The following IMPDH1 variants were observed in gnomAD, a reference collection of about 807,000 sequenced individuals.
IMPDH1 encodes inosine-5'-monophosphate dehydrogenase 1.
Under a neutral mutation model 73.5 loss-of-function variants are expected in IMPDH1, and 41 were observed. The ratio of observed to expected loss-of-function variants is 0.56; its 90% CI spans 0.43 to 0.72. IMPDH1 has a LOEUF of 0.72. Ranked by LOEUF, IMPDH1 falls within the 30% of genes least tolerant of loss-of-function variation. IMPDH1 has a pLI of 0.00. For synonymous variants in IMPDH1, 318 were observed against 334.3 expected, an observed-to-expected ratio of 0.95 and a Z score of 0.53; for missense variants, 645 against 824.8, an observed-to-expected ratio of 0.78 and a Z score of 2.67.
At chr7:128,400,593 C>A in intron 7 of IMPDH1, 54 bp from the exon 8 acceptor site, 1 of 1,533,548 alleles carries the variant, frequency 6.5e-7, no homozygotes, top group East Asian at 2.3e-5. Context: ...GGATGATGTC[C>A]AGGCTGGCCA....
Position 128,398,562 on chromosome 7 carries a change from C to T in IMPDH1, c.926G>A (p.Arg309His), listed in dbSNP as rs121912552. ...GTCTCGGTTCTTCTTCAGGTCGGTG[C>T]GGGCGATGATGGCCACCAGCTCATC... ...DCDELVAIIA[R>H]TDLKKNRDYP... Residue 309 changes from arginine (R) to histidine (H), a missense_variant, in exon 10 of 17, where the codon CGC becomes CAC. Physicochemically the swap from Arg to His is conservative, Grantham distance 29. Transcript: ENST00000338791. This position sits in a 1 kb window ranked among gnomAD's most constrained non-coding sequence, Gnocchi z 4.3. 6.2e-7 allele frequency: 1 copy of T among 1,612,574 alleles called. No individual in the cohort carries two copies. Among genetic ancestry groups the T allele is most frequent in the Non-Finnish European group, 8.5e-7 (1 of 1,178,886 alleles).
At chr7:128,395,464 T>C (rs1323838369) in intron 12 of IMPDH1, among the ~76,000 whole-genome samples, 190 bp from the exon 13 acceptor site, 1 of 152,144 alleles carries the variant, frequency 6.6e-6, no homozygotes, top group Non-Finnish European at 1.5e-5. Flanking sequence ...TCTAGGGATC[T>C]GGGCCACCCC....
chr7:128,396,566 G>A lies in IMPDH1; in HGVS notation c.1261+34C>T, dbSNP rs571294252. 37 of 1,463,654 alleles carry A rather than the reference G, an allele frequency of 2.5e-5. No individual in the cohort carries two copies. In the Admixed American group the frequency reaches 4.1e-4, roughly 16 times the overall value. The allele number at this position is 1,463,654 out of a possible 1,614,324, so 90.7% of individuals were successfully genotyped here. A position where few individuals can be genotyped will look rare whatever the true frequency, so the allele number is the denominator to read the frequency against. ...TGGGGAACAAAGGCGAGGCCCCGGG[G>A]CCAGCGGGCACTCGCTCACCTCCTG... On this transcript the variant is annotated intron_variant, in intron 12 of 16. Coordinates refer to ENST00000338791, the MANE Select transcript of IMPDH1 (RefSeq NM_000883.4). The surrounding 1 kb of genome is among the most constrained non-coding windows in gnomAD (Gnocchi z 4.0).
chr7:128,403,352 G>A (rs1798469182), intron 5 of IMPDH1, among the ~76,000 whole-genome samples: 1 of 152,200 alleles, frequency 6.6e-6, no homozygotes, highest in Non-Finnish European at 1.5e-5. Flanking sequence ...GAGCTCAGGA[G>A]TTTGAGACCA....
intron 3 of IMPDH1, among the ~76,000 whole-genome samples, chr7:128,409,056 G>T (rs985291825): frequency 2.6e-5 from 4 of 152,214 alleles, no homozygotes; most frequent in African/African-American, 9.7e-5. Flanking sequence ...CTCTGGACCG[G>T]AAGGACAGTG....
intron 4 of IMPDH1, among the ~76,000 whole-genome samples, chr7:128,404,739 C>G (rs1007442787): frequency 6.6e-6 from 1 of 152,170 alleles, no homozygotes; most frequent in African/African-American, 2.4e-5. Flanking sequence ...GGCTTTCAAT[C>G]TCATCACCAA....
chr7:128,408,915 A>T (rs74523251), intron 3 of IMPDH1, among the ~76,000 whole-genome samples: 2,713 of 152,266 alleles, frequency 0.018, 41 homozygotes, highest in South Asian at 0.055. Flanking sequence ...AAAAGTTCTT[A>T]CATAAGCGGC....
At chr7:128,401,148 T>C (rs951558598) in intron 5 of IMPDH1, 32 bp from the exon 6 acceptor site, 2 of 1,530,434 alleles carry the variant, frequency 1.3e-6, no homozygotes, top group Non-Finnish European at 1.8e-6. Flanking sequence ...ACGTAAAGAG[T>C]TTATCACCCA....
intron 5 of IMPDH1, among the ~76,000 whole-genome samples, chr7:128,402,164 G>A (rs150128978): frequency 0.018 from 2,714 of 151,750 alleles, 41 homozygotes; most frequent in South Asian, 0.055. Flanking sequence ...GTACAGTAGT[G>A]CAATCCCGAC....
intron 10 of IMPDH1, 57 bp from the exon 11 acceptor site, chr7:128,397,079 A>G: frequency 8.3e-7 from 1 of 1,207,660 alleles, no homozygotes. Context: ...TCAAGGCAGG[A>G]GGGAGAGCCT....
Position 128,394,558 on chromosome 7 carries a change from G to A in IMPDH1, c.1592C>T (p.Ser531Phe). The A allele has an allele frequency of 6.2e-7, 1 of 1,613,872 alleles. No individual in the cohort carries two copies. The change falls in exon 15 of 17, where the codon TCC (serine) becomes TTC (phenylalanine). Residue 531 changes from serine to phenylalanine, a missense_variant. Transcript: ENST00000338791. The surrounding 1 kb of genome is among the most constrained non-coding windows in gnomAD (Gnocchi z 5.5). ...CTGAATGGATCCTTTGTCCTGGATG[G>A]AGCCCGAGACACCCTGCGCGATCTT... Reference protein sequence around the residue: ...KVKIAQGVSGSIQDKGSIQKF... With the variant: ...KVKIAQGVSGFIQDKGSIQKF...
At position 128,394,739 on chromosome 7, in the gene IMPDH1, A is replaced by G; in HGVS notation, c.1551-140T>C. 2 of 1,379,408 alleles carry G rather than the reference A, an allele frequency of 1.4e-6. No homozygotes were observed. The allele number at this position is 1,379,408 out of a possible 1,614,324, so 85.4% of individuals were successfully genotyped here. On this transcript the variant is annotated intron_variant, in intron 14 of 16. Transcript: ENST00000338791. The surrounding 1 kb of genome is among the most constrained non-coding windows in gnomAD (Gnocchi z 5.5). Reference sequence around the variant, plus strand: ...CTGGGCTGAGTCAGATGGCCCAGGGACAGATCCTGGGTCTGCTACTTAAGC... The same window carrying G: ...CTGGGCTGAGTCAGATGGCCCAGGGGCAGATCCTGGGTCTGCTACTTAAGC...
chr7:128,396,509 G>A lies in IMPDH1; in HGVS notation c.1261+91C>T, dbSNP rs1365515168. On this transcript the variant is annotated intron_variant, in intron 12 of 16. Transcript: ENST00000338791. The surrounding 1 kb of genome is among the most constrained non-coding windows in gnomAD (Gnocchi z 4.0). ...CCCCGGAGCCTACCATGGCAGAACAGGGCCTGGCAGAGAGAGTACTTGATA... is the reference window on the plus strand; with the variant it reads ...CCCCGGAGCCTACCATGGCAGAACAAGGCCTGGCAGAGAGAGTACTTGATA... 3 of 1,045,484 alleles carry A rather than the reference G, an allele frequency of 2.9e-6. No homozygotes were observed. Among genetic ancestry groups the A allele is most frequent in the East Asian group, 2.6e-5 (1 of 38,686 alleles). 64.8% of individuals were successfully genotyped at this position (1,045,484 alleles called of 1,614,324 possible).
intron 5 of IMPDH1, among the ~76,000 whole-genome samples, chr7:128,402,451 T>C: frequency 6.6e-6 from 1 of 152,182 alleles, no homozygotes; most frequent in East Asian, 1.9e-4. Context: ...GCCCAGGGTC[T>C]GACACAAAGC....
intron 10 of IMPDH1, among the ~76,000 whole-genome samples, chr7:128,397,360 CTTAACTTCT>C (rs1797998746): frequency 6.6e-6 from 1 of 152,172 alleles, no homozygotes; most frequent in Admixed American, 6.5e-5. Context: ...AATGAAATGA[CTTAACTTCT>C]TTAAGCCTGT....
In IMPDH1 at chr7:128,406,210, G is replaced by A. The variant is rs535190914; in HGVS notation, c.255-345C>T. ...AGGAGGTGTGGGGCTGCGGGGGAGAGTACCGGGTCAGGCCGGGACACGCCC... is the reference window on the plus strand; with the variant it reads ...AGGAGGTGTGGGGCTGCGGGGGAGAATACCGGGTCAGGCCGGGACACGCCC... On this transcript the variant is annotated intron_variant, in intron 3 of 16. Coordinates refer to ENST00000338791, the MANE Select transcript of IMPDH1 (RefSeq NM_000883.4). 1.2e-3 allele frequency among the ~76,000 whole-genome samples: 182 copies of A among 149,860 alleles called. 1 individual carries two copies. Among genetic ancestry groups the A allele is most frequent in the Middle Eastern group, 3.4e-3 (1 of 294 alleles).
At chr7:128,408,384 C>G (rs1563004609) in intron 3 of IMPDH1, among the ~76,000 whole-genome samples, 1 of 152,302 alleles carries the variant, frequency 6.6e-6, no homozygotes, top group East Asian at 1.9e-4. Context: ...CATAGCCTGT[C>G]CAAGTTCAAG....
chr7:128,407,454 C>T (rs66511422), intron 3 of IMPDH1, among the ~76,000 whole-genome samples: 11,442 of 152,224 alleles, frequency 0.075, 455 homozygotes, highest in South Asian at 0.12. Flanking sequence ...GCAGGGAGCC[C>T]GGGCCACATG....
At position 128,400,344 on chromosome 7, in the gene IMPDH1, G is replaced by T. The variant is rs762888264; in HGVS notation, c.775C>A (p.Leu259Ile). 6.2e-7 allele frequency: 1 copy of T among 1,613,430 alleles called. No individual in the cohort carries two copies. ...DFLAEKDHTT[L>I]LSEVMTPRIE... ...TGCCCTGCAGGTACCTCACTGAGGA[G>T]GGTGGTGTGGTCCTTCTCAGCAAGA... Residue 259 changes from leucine (L) to isoleucine (I), a missense_variant, in exon 8 of 17, where the codon CTC becomes ATC. This residue lies in a region of IMPDH1 where 459 missense variants were observed against 638.2 expected (regional missense o/e 0.72). Transcript: ENST00000338791.
Sources: gnomAD v4.1 joint callset for allele counts (sites outside exome capture counted in the v4.1 genomes callset) on GRCh38, gnomAD v4.1.1 for gene constraint, gnomAD v4.1.1 regional missense constraint, Gnocchi (gnomAD v3.1) non-coding constraint, MANE v1.5 for transcripts, NCBI Gene and HGNC (gene_info 2026-07-23, HGNC 2026-07-21) for gene names.